CLHC1: variants seen among roughly 807,000 people sequenced by gnomAD.
CLHC1 encodes clathrin heavy chain linker domain-containing protein 1.
A neutral mutation model predicts 69.5 loss-of-function variants in CLHC1; 72 were observed. The observed-to-expected ratio is 1.04, with a 90% CI of 0.86 to 1.26. The LOEUF (loss-of-function observed/expected upper bound fraction) is 1.26. Ranked by LOEUF, CLHC1 falls within the 50% of genes most tolerant of loss-of-function variation. The pLI is 0.00. For synonymous variants in CLHC1, 223 were observed against 224.3 expected (o/e 0.99, Z 0.05); for missense variants, 790 against 679.3 (o/e 1.16, Z -1.81).
At position 55,217,961 on chromosome 2, in the gene CLHC1, G is replaced by C; in HGVS notation, c.215C>G (p.Thr72Ser). 2 of 1,580,364 alleles carry C rather than the reference G, an allele frequency of 1.3e-6. No homozygotes were observed. The highest frequency in any genetic ancestry group is 1.7e-4 in the Middle Eastern group (1 of 5,886). ...EHITAYKSILTSIKKEYDAFI... is the reference protein window; with the variant it reads ...EHITAYKSILSSIKKEYDAFI... ...GGCATCATATTCTTTTTTGATTGAA[G>C]TAAGAATGGATTTGTATGCAGTGAT... The change falls in exon 4 of 13, where the codon ACT (threonine) becomes AGT (serine). Residue 72 changes from threonine (T) to serine (S), a missense_variant. By Grantham distance (58) the Thr-to-Ser change is moderately conservative. Coordinates refer to ENST00000401408, the MANE Select transcript of CLHC1 (RefSeq NM_152385.4).
At chr2:55,227,387 T>A (rs1674805687) in intron 2 of CLHC1, among the ~76,000 whole-genome samples, 1 of 151,706 alleles carries the variant, frequency 6.6e-6, no homozygotes, top group East Asian at 1.9e-4. Flanking sequence ...TAATTTCAAA[T>A]AGTAAAAGAT....
intron 9 of CLHC1, among the ~76,000 whole-genome samples, chr2:55,203,719 T>C (rs931807932): frequency 4.6e-5 from 7 of 152,186 alleles, no homozygotes; most frequent in Middle Eastern, 3.4e-3. Context: ...CAAGAAAACA[T>C]TGGGGAAATT....
At position 55,175,819 on chromosome 2, in the gene CLHC1, C is replaced by A. The variant is rs773535937; in HGVS notation, c.1732G>T (p.Val578Phe). 1 of 1,613,956 alleles carries A rather than the reference C, an allele frequency of 6.2e-7. No homozygotes were observed. Among genetic ancestry groups the A allele is most frequent in the South Asian group, 1.1e-5 (1 of 91,062 alleles). The part of the protein sequence containing the change: ...VTEISEEDDA[V>F]NLMEHVFW ...CAAAACACATGTTCCATTAGGTTGA[C>A]TGCGTCATCCTCTTCAGAAATTTCT... The change falls in exon 13 of 13, where the codon GTC becomes TTC. Residue 578 changes from valine (V) to phenylalanine (F), a missense_variant. Coordinates refer to ENST00000401408, the MANE Select transcript of CLHC1 (RefSeq NM_152385.4).
chr2:55,212,726 G>T lies in CLHC1; in HGVS notation c.446C>A (p.Thr149Lys), dbSNP rs370252555. Residue 149 changes from threonine to lysine, a missense_variant, in exon 5 of 13, where the codon ACA becomes AAA. Coordinates refer to ENST00000401408, the MANE Select transcript of CLHC1 (RefSeq NM_152385.4). Reference sequence around the variant, plus strand: ...GAAAGTACAATATTTTACTTCTTTTGTGTCATACTCTGCCCTACACTGCTT... The same window carrying T: ...GAAAGTACAATATTTTACTTCTTTTTTGTCATACTCTGCCCTACACTGCTT... ...HIKQCRAEYD[T>K]KEVKYCTFSK... The T allele has an allele frequency of 6.3e-7, 1 of 1,596,076 alleles. No homozygotes were observed. Among genetic ancestry groups the T allele is most frequent in the Non-Finnish European group, 8.6e-7 (1 of 1,163,704 alleles).
At chr2:55,194,156 T>C (rs1369514764) in intron 9 of CLHC1, among the ~76,000 whole-genome samples, 1 of 152,166 alleles carries the variant, frequency 6.6e-6, no homozygotes, top group Non-Finnish European at 1.5e-5. Context: ...GGGTACAAAG[T>C]TTATTTTTGT....
intron 9 of CLHC1, among the ~76,000 whole-genome samples, chr2:55,191,470 G>C (rs1670924624): frequency 6.6e-6 from 1 of 152,146 alleles, no homozygotes; most frequent in South Asian, 2.1e-4. Context: ...TTCTGACCTT[G>C]TGATCTGCCC....
chr2:55,174,581 TA>T lies in CLHC1; in HGVS notation c.*1208del. ...TTATCACTAATCCTCACAACAAGCCTAAGGAAGACTGCCCATATTTTATAAG... is the reference window on the plus strand; with the variant it reads ...TTATCACTAATCCTCACAACAAGCCTAGGAAGACTGCCCATATTTTATAAG... On this transcript the variant is annotated 3_prime_UTR_variant, in exon 13 of 13. Transcript: ENST00000401408. 6.6e-6 allele frequency among the ~76,000 whole-genome samples: 1 copy of T among 152,282 alleles called. No homozygotes were observed. Among genetic ancestry groups the T allele is most frequent in the South Asian group, 2.1e-4 (1 of 4,822 alleles).
At chr2:55,176,778 G>T (rs1669429659) in intron 12 of CLHC1, among the ~76,000 whole-genome samples, 1 of 152,068 alleles carries the variant, frequency 6.6e-6, no homozygotes, top group African/African-American at 2.4e-5. Flanking sequence ...AAAATATAAA[G>T]TTATCTTCCA....
intron 9 of CLHC1, among the ~76,000 whole-genome samples, chr2:55,195,080 C>T (rs1453595864): frequency 6.6e-6 from 1 of 152,136 alleles, no homozygotes. Flanking sequence ...CCATGCCTAG[C>T]TATGCAATTT....
intron 8 of CLHC1, among the ~76,000 whole-genome samples, chr2:55,207,765 C>T (rs1489252193): frequency 6.6e-6 from 1 of 152,116 alleles, no homozygotes; most frequent in East Asian, 1.9e-4. Context: ...AGGAATGATA[C>T]ACAGTAGGAT....
intron 12 of CLHC1, 23 bp downstream of exon 12, chr2:55,177,579 C>T (rs1378571355): frequency 2.0e-6 from 3 of 1,537,974 alleles, no homozygotes; most frequent in Non-Finnish European, 2.6e-6. Context: ...ACTATTTCTC[C>T]CACAACATTT....
In CLHC1 at chr2:55,206,950, C is replaced by CAA. The variant is rs34534420; in HGVS notation, c.900-576_900-575dup. 924 of 129,472 alleles carry CAA rather than the reference C, an allele frequency of 7.1e-3. 12 individuals are homozygous for CAA. Among genetic ancestry groups the CAA allele is most frequent in the East Asian group, 0.062 (289 of 4,684 alleles). 8.0% of individuals were successfully genotyped at this position (129,472 alleles called of 1,614,324 possible). Reference sequence around the variant, plus strand: ...TGAAACCCTGTCTCTACTAAAAATACAAAAAAAAAAAAAAATTAGCCAGGC... The same window carrying CAA: ...TGAAACCCTGTCTCTACTAAAAATACAAAAAAAAAAAAAAAAATTAGCCAGGC... On this transcript the variant is annotated intron_variant, in intron 8 of 12. Coordinates refer to ENST00000401408, the MANE Select transcript of CLHC1 (RefSeq NM_152385.4).
At chr2:55,210,601 C>G (rs1386656189) in intron 5 of CLHC1, among the ~76,000 whole-genome samples, 1 of 152,108 alleles carries the variant, frequency 6.6e-6, no homozygotes, top group East Asian at 1.9e-4. Flanking sequence ...ATTAACACAC[C>G]CTGAAGACCC....
chr2:55,229,253 G>A (rs1443628624), intron 1 of CLHC1, among the ~76,000 whole-genome samples: 1 of 151,844 alleles, frequency 6.6e-6, no homozygotes. Flanking sequence ...ACAAGGTATG[G>A]GGGATAGAGA....
At chr2:55,230,144 T>G (rs1182726042) in intron 1 of CLHC1, among the ~76,000 whole-genome samples, 1 of 152,226 alleles carries the variant, frequency 6.6e-6, no homozygotes, top group Non-Finnish European at 1.5e-5. Flanking sequence ...GGGTCAAAGC[T>G]GGAAGTGCTG....
At chr2:55,201,281 T>C (rs1334598926) in intron 9 of CLHC1, among the ~76,000 whole-genome samples, 2 of 145,994 alleles carry the variant, frequency 1.4e-5, no homozygotes, top group African/African-American at 5.0e-5. Flanking sequence ...CCAAACTAAG[T>C]AAGAAAAAAA....
intron 3 of CLHC1, among the ~76,000 whole-genome samples, chr2:55,218,947 T>G (rs1356772875): frequency 1.3e-5 from 2 of 152,092 alleles, no homozygotes; most frequent in Non-Finnish European, 2.9e-5. Context: ...ACCTAGGCAA[T>G]ATCTAGAAAA....
intron 9 of CLHC1, among the ~76,000 whole-genome samples, chr2:55,200,225 T>TA (rs34374033): frequency 0.28 from 14,616 of 52,932 alleles, 2,619 homozygotes; most frequent in African/African-American, 0.47. Flanking sequence ...AAGACTGTCT[T>TA]AAAAAAAAAA....
chr2:55,214,020 G>GA (rs1347406464), intron 4 of CLHC1, among the ~76,000 whole-genome samples: 1 of 152,088 alleles, frequency 6.6e-6, no homozygotes, highest in African/African-American at 2.4e-5. Context: ...ATGGTTGGGG[G>GA]ATCACATGTC....
Sources: allele counts gnomAD v4.1 joint callset (sites outside exome capture counted in the v4.1 genomes callset), GRCh38; gene constraint gnomAD v4.1.1; transcripts MANE v1.5; gene names NCBI Gene and HGNC (gene_info 2026-07-23, HGNC 2026-07-21).